RBM15: variants seen among roughly 807,000 people sequenced by gnomAD.
RBM15 encodes RNA binding motif protein 15.
Under a neutral mutation model 62.6 loss-of-function variants are expected in RBM15, and 8 were observed. That is an observed-to-expected ratio of 0.13 (90% confidence interval 0.07 to 0.23). The LOEUF (loss-of-function observed/expected upper bound fraction) is 0.23. Ranked by LOEUF, RBM15 falls within the 10% of genes least tolerant of loss-of-function variation. The pLI, the probability that RBM15 is intolerant of heterozygous loss-of-function variation, is 1.00. For missense variants in RBM15, 1,144 were observed against 1,286.5 expected, an observed-to-expected ratio of 0.89 and a Z score of 1.69; for synonymous variants, 606 against 505.7, an observed-to-expected ratio of 1.20 and a Z score of -2.66.
Position 110,339,953 on chromosome 1 carries a change from A to G in RBM15, c.548A>G (p.Asp183Gly), listed in dbSNP as rs1660756029. ...AGCGAGTTGGGGTCCCAGCTTAGTG[A>G]CGAAGCGGTGGAGGACGGCCTGTTT... is the stretch of plus-strand genomic sequence containing the variant. ...KISELGSQLS[D>G]EAVEDGLFHE... Residue 183 changes from aspartate (D) to glycine (G), a missense_variant, in exon 1 of 3, where the codon GAC (aspartate) becomes GGC (glycine). This residue lies in a region of RBM15 where 15 missense variants were observed against 35.0 expected (regional missense o/e 0.43). Coordinates refer to ENST00000369784, the MANE Select transcript of RBM15 (RefSeq NM_022768.5). The G allele has an allele frequency of 6.2e-7, 1 of 1,614,046 alleles. No homozygotes were observed.
chr1:110,346,160 AT>A (rs1186451892), intron 2 of RBM15, 147 bp from the exon 3 acceptor site: 1 of 697,452 alleles, frequency 1.4e-6, no homozygotes, highest in Non-Finnish European at 2.4e-6. Flanking sequence ...GCCAGTGGGT[AT>A]TATTGGTGCT....
intron 1 of RBM15, among the ~76,000 whole-genome samples, chr1:110,344,578 A>C (rs1660863898): frequency 6.6e-6 from 1 of 152,158 alleles, no homozygotes; most frequent in Non-Finnish European, 1.5e-5. Flanking sequence ...ATGTATTATA[A>C]AAAACTAATT....
At position 110,339,857 on chromosome 1, in the gene RBM15, C is replaced by T. The variant is rs780580705; in HGVS notation, c.452C>T (p.Ser151Leu). The part of the protein sequence containing the change: ...RSSSRGGGGE[S>L]RSSGAASSAP... ...AGCTCCCGGGGTGGAGGCGGGGAGTCACGTTCCTCTGGGGCCGCCTCCTCA... is the reference window on the plus strand; with the variant it reads ...AGCTCCCGGGGTGGAGGCGGGGAGTTACGTTCCTCTGGGGCCGCCTCCTCA... The change falls in exon 1 of 3, where the codon TCA becomes TTA. Residue 151 changes from serine to leucine, a missense_variant. Coordinates refer to ENST00000369784, the MANE Select transcript of RBM15 (RefSeq NM_022768.5). 6.3e-7 allele frequency: 1 copy of T among 1,599,806 alleles called. No individual in the cohort carries two copies. The highest frequency in any genetic ancestry group is 1.7e-5 in the Admixed American group (1 of 59,464).
chr1:110,346,518 T>A lies in RBM15; in HGVS notation c.*251T>A, dbSNP rs2100943979. The A allele has an allele frequency of 7.2e-6, 5 of 689,704 alleles. No individual in the cohort carries two copies. The East Asian group carries it at 1.3e-4, about 17-fold the overall frequency. The allele number at this position is 689,704 out of a possible 1,614,324, so 42.7% of individuals were successfully genotyped here. On this transcript the variant is annotated 3_prime_UTR_variant, in exon 3 of 3. Coordinates refer to ENST00000369784, the MANE Select transcript of RBM15 (RefSeq NM_022768.5). ...GCCGGTGTTTTAAGTGGAAAAAAAA[T>A]GACCTCTTTGATTTGTGCTGTGTAC...
intron 1 of RBM15, among the ~76,000 whole-genome samples, chr1:110,345,042 T>C (rs530807193): frequency 6.6e-6 from 1 of 152,216 alleles, no homozygotes; most frequent in African/African-American, 2.4e-5. Context: ...CTATAAATAA[T>C]TTTTCACACA....
intron 1 of RBM15, chr1:110,342,524 T>G: frequency 2.5e-6 from 1 of 401,692 alleles, no homozygotes; most frequent in Non-Finnish European, 4.4e-6. Flanking sequence ...TTTGCTTTAA[T>G]TAGGAGTTCC....
chr1:110,346,317 T>G lies in RBM15; in HGVS notation c.*50T>G. The G allele has an allele frequency of 6.3e-7, 1 of 1,598,346 alleles. No individual in the cohort carries two copies. Among genetic ancestry groups the G allele is most frequent in the South Asian group, 1.1e-5 (1 of 91,078 alleles). ...TCCCCCCCTCCGCAAGCAAAACTGG[T>G]TGAACAGCGGATGAAGATATGGAAT... is the stretch of plus-strand genomic sequence containing the variant. On this transcript the variant is annotated 3_prime_UTR_variant, in exon 3 of 3. Coordinates refer to ENST00000369784, the MANE Select transcript of RBM15 (RefSeq NM_022768.5).
rs1013989668 is a variant in RBM15 at position 110,341,407 on chromosome 1, G to C, written c.2002G>C (p.Ala668Pro). ...TGACCGCCCACGAAAACGTCACTGC[G>C]CTCCTTCTCCTGACCGCAGTCCAGA... is the stretch of plus-strand genomic sequence containing the variant. ...ESDRPRKRHC[A>P]PSPDRSPELS... Residue 668 changes from alanine (A) to proline (P), a missense_variant, in exon 1 of 3, where the codon GCT (alanine) becomes CCT (proline). Ala to Pro is a conservative substitution (Grantham distance 27). Coordinates refer to ENST00000369784, the MANE Select transcript of RBM15 (RefSeq NM_022768.5). The surrounding 1 kb of genome is among the most constrained non-coding windows in gnomAD (Gnocchi z 4.5). 1.9e-6 allele frequency: 3 copies of C among 1,614,102 alleles called. No individual in the cohort carries two copies. Among genetic ancestry groups the C allele is most frequent in the African/African-American group, 1.3e-5 (1 of 75,022 alleles).
chr1:110,342,340 G>C, intron 1 of RBM15, 72 bp downstream of exon 1: 1 of 1,220,028 alleles, frequency 8.2e-7, no homozygotes, highest in Non-Finnish European at 1.1e-6. Context: ...ATGTGTAATG[G>C]GATACAGCAT....
Position 110,340,749 on chromosome 1 carries a change from T to C in RBM15, c.1344T>C (p.Tyr448=). ...IIIRNPIKIG[Y]GKATPTTRLW... is the part of the protein sequence containing the mutation. ...TTCGGAATCCTATCAAAATTGGTTA[T>C]GGTAAAGCTACACCCACCACCCGCC... Residue 448 remains tyrosine, a synonymous_variant, in exon 1 of 3, where the codon TAT becomes TAC. Coordinates refer to ENST00000369784, the MANE Select transcript of RBM15 (RefSeq NM_022768.5). The surrounding 1 kb of genome is among the most constrained non-coding windows in gnomAD (Gnocchi z 5.8). 1 of 1,614,126 alleles carries C rather than the reference T, an allele frequency of 6.2e-7. No homozygotes were observed. Among genetic ancestry groups the C allele is most frequent in the Non-Finnish European group, 8.5e-7 (1 of 1,180,038 alleles).
At chr1:110,344,134 G>A (rs1644551967) in intron 1 of RBM15, among the ~76,000 whole-genome samples, 1 of 152,136 alleles carries the variant, frequency 6.6e-6, no homozygotes, top group Non-Finnish European at 1.5e-5. Flanking sequence ...GATGCTTCTT[G>A]CTTTCAAAAA....
At position 110,339,470 on chromosome 1, in the gene RBM15, T is replaced by G. The variant is rs750584732; in HGVS notation, c.65T>G (p.Leu22Arg). The change falls in exon 1 of 3, where the codon CTG (leucine) becomes CGG (arginine). Residue 22 changes from leucine to arginine, a missense_variant. Coordinates refer to ENST00000369784, the MANE Select transcript of RBM15 (RefSeq NM_022768.5). ...CCAAGATGGCGGCGTGCGGTTCCGC[T>G]GTGTGAAACGAGCGCGGGGCGGCGG... is the stretch of plus-strand genomic sequence containing the variant. ...RSPRWRRAVP[L>R]CETSAGRRVT... 1.3e-6 allele frequency: 2 copies of G among 1,563,212 alleles called. No individual in the cohort carries two copies. Among genetic ancestry groups the G allele is most frequent in the Non-Finnish European group, 8.7e-7 (1 of 1,151,910 alleles).
Position 110,339,894 on chromosome 1 carries a change from C to T in RBM15, c.489C>T (p.Gly163=), listed in dbSNP as rs1407860619. 3.1e-6 allele frequency: 5 copies of T among 1,604,582 alleles called. No homozygotes were observed. Among genetic ancestry groups the T allele is most frequent in the Non-Finnish European group, 4.3e-6 (5 of 1,172,334 alleles). The stretch of plus-strand genomic sequence containing the variant: ...GGGCCGCCTCCTCAGCTCCCGGCGG[C>T]GGGGACGGCGCGGAATACAAGACTC... ...SSGAASSAPG[G]GDGAEYKTLK... is the part of the protein sequence containing the mutation. The change falls in exon 1 of 3, where the codon GGC becomes GGT. Residue 163 remains glycine (G), a synonymous_variant. Transcript: ENST00000369784.
intron 2 of RBM15, 47 bp from the exon 3 acceptor site, chr1:110,346,261 T>C (rs755236326): frequency 6.5e-7 from 1 of 1,549,898 alleles, no homozygotes; most frequent in Non-Finnish European, 8.8e-7. Context: ...ATTTTTAATA[T>C]TGTAAACATT....
Position 110,341,401 on chromosome 1 carries a change from C to A in RBM15, c.1996C>A (p.His666Asn). ...SPESDRPRKR[H>N]CAPSPDRSPE... ...TGAGAGTGACCGCCCACGAAAACGT[C>A]ACTGCGCTCCTTCTCCTGACCGCAG... Residue 666 changes from histidine (H) to asparagine (N), a missense_variant, in exon 1 of 3, where the codon CAC becomes AAC. Physicochemically the swap from His to Asn is moderately conservative, Grantham distance 68 (BLOSUM62 1). Transcript: ENST00000369784. The surrounding 1 kb of genome is among the most constrained non-coding windows in gnomAD (Gnocchi z 4.5). 1 of 1,614,164 alleles carries A rather than the reference C, an allele frequency of 6.2e-7. No individual in the cohort carries two copies. The highest frequency in any genetic ancestry group is 8.5e-7 in the Non-Finnish European group (1 of 1,180,024).
intron 1 of RBM15, chr1:110,342,520 T>A (rs772329764): frequency 7.4e-6 from 3 of 402,850 alleles, no homozygotes; most frequent in African/African-American, 2.1e-5. Context: ...CAGATTTGCT[T>A]TAATTAGGAG....
rs1660783854 is a variant in RBM15, at chr1:110,341,068, C to T, written c.1663C>T (p.His555Tyr). Reference protein sequence around the residue: ...HYELVTDAFGHRAPDPLRGAR... With the variant: ...HYELVTDAFGYRAPDPLRGAR... ...TGAGCTGGTGACAGATGCTTTTGGA[C>T]ATCGGGCACCAGACCCTTTGAGGGG... Residue 555 changes from histidine to tyrosine, a missense_variant, in exon 1 of 3, where the codon CAT (histidine) becomes TAT (tyrosine). Coordinates refer to ENST00000369784, the MANE Select transcript of RBM15 (RefSeq NM_022768.5). The surrounding 1 kb of genome is among the most constrained non-coding windows in gnomAD (Gnocchi z 4.5). 6.2e-7 allele frequency: 1 copy of T among 1,614,080 alleles called. No homozygotes were observed. The highest frequency in any genetic ancestry group is 8.5e-7 in the Non-Finnish European group (1 of 1,180,046).
chr1:110,346,626 C>T lies in RBM15; in HGVS notation c.*359C>T, dbSNP rs1344406815. On this transcript the variant is annotated 3_prime_UTR_variant, in exon 3 of 3. Coordinates refer to ENST00000369784, the MANE Select transcript of RBM15 (RefSeq NM_022768.5). ...TAGCTGTCTCTCAAACGTGCGCTCA[C>T]AGTTGAGCTGCTTTTGTTTTATTCT... is the stretch of plus-strand genomic sequence containing the variant. 2.2e-6 allele frequency: 1 copy of T among 445,814 alleles called. No homozygotes were observed. Among genetic ancestry groups the T allele is most frequent in the Non-Finnish European group, 4.0e-6 (1 of 251,770 alleles). 27.6% of individuals were successfully genotyped at this position (445,814 alleles called of 1,614,324 possible). A position where few individuals can be genotyped will look rare whatever the true frequency, so the allele number is the denominator to read the frequency against.
chr1:110,345,185 CT>C (rs1660874723), intron 1 of RBM15, among the ~76,000 whole-genome samples: 1 of 152,128 alleles, frequency 6.6e-6, no homozygotes, highest in African/African-American at 2.4e-5. Flanking sequence ...GTAAAATATA[CT>C]CTGGCCCTTC....
Sources: gnomAD v4.1 joint callset for allele counts (sites outside exome capture counted in the v4.1 genomes callset) on GRCh38, gnomAD v4.1.1 for gene constraint, gnomAD v4.1.1 regional missense constraint, Gnocchi (gnomAD v3.1) non-coding constraint, MANE v1.5 for transcripts, NCBI Gene and HGNC (gene_info 2026-07-23, HGNC 2026-07-21) for gene names.